The following CRACR2A variants were observed in gnomAD, a reference collection of about 807,000 sequenced individuals.
The protein encoded by CRACR2A is EF-hand calcium-binding domain-containing protein 4B.
A neutral mutation model predicts 90.5 loss-of-function variants in CRACR2A; 79 were observed. The observed-to-expected ratio is 0.87, with a 90% CI of 0.73 to 1.05. The LOEUF (loss-of-function observed/expected upper bound fraction) is 1.05, where lower values mean the gene tolerates loss of function less well. Ranked by LOEUF, CRACR2A falls within the 50% of genes least tolerant of loss-of-function variation. CRACR2A has a pLI of 0.00. For synonymous variants in CRACR2A, 338 were observed against 356.7 expected (o/e 0.95, Z 0.59); for missense variants, 823 against 897.2 (o/e 0.92, Z 1.06).
chr12:3,638,855 G>A (rs568391923), intron 13 of CRACR2A, among the ~76,000 whole-genome samples: 5 of 152,314 alleles, frequency 3.3e-5, no homozygotes, highest in African/African-American at 4.8e-5. Context: ...GTGAAGAAAC[G>A]TGTCTCAGAC....
chr12:3,709,134 G>A (rs1258108098), intron 3 of CRACR2A, among the ~76,000 whole-genome samples: 1 of 152,226 alleles, frequency 6.6e-6, no homozygotes, highest in African/African-American at 2.4e-5. Flanking sequence ...GAGGAGGTGA[G>A]AAGAGCCACT....
At chr12:3,645,970 TAG>T in intron 11 of CRACR2A, among the ~76,000 whole-genome samples, 1 of 152,250 alleles carries the variant, frequency 6.6e-6, no homozygotes, top group South Asian at 2.1e-4. Context: ...GCTCTAATTC[TAG>T]AGTGTGAGTT....
At chr12:3,632,708 C>T (rs1402455071) in intron 15 of CRACR2A, among the ~76,000 whole-genome samples, 2 of 152,158 alleles carry the variant, frequency 1.3e-5, no homozygotes, top group East Asian at 1.9e-4. Context: ...CCTGATCTGT[C>T]GACTGTGCTG....
intron 4 of CRACR2A, among the ~76,000 whole-genome samples, chr12:3,686,696 C>T (rs1476820848): frequency 4.6e-5 from 7 of 152,178 alleles, no homozygotes; most frequent in Non-Finnish European, 8.8e-5. Flanking sequence ...GGGTATTGCA[C>T]CAGACCTAAC....
chr12:3,696,983 C>T lies in CRACR2A; in HGVS notation c.17G>A (p.Gly6Glu). ...TCTCTGGGGTCTGGAGACTACCCTCCCGTCAGGGGCAGCCATCGCGATTAG... is the reference window on the plus strand; with the variant it reads ...TCTCTGGGGTCTGGAGACTACCCTCTCGTCAGGGGCAGCCATCGCGATTAG... MAAPD[G>E]RVVSRPQRLG... The change falls in exon 4 of 20, where the codon GGG (glycine) becomes GAG (glutamate). Residue 6 changes from glycine to glutamate, a missense_variant. Physicochemically the swap from Gly to Glu is moderately conservative, Grantham distance 98. Transcript: ENST00000440314. 6.2e-7 allele frequency: 1 copy of T among 1,612,162 alleles called. No individual in the cohort carries two copies. The highest frequency in any genetic ancestry group is 8.5e-7 in the Non-Finnish European group (1 of 1,178,898).
chr12:3,620,848 G>A (rs889410746), intron 17 of CRACR2A, among the ~76,000 whole-genome samples: 7 of 152,190 alleles, frequency 4.6e-5, no homozygotes, highest in Non-Finnish European at 8.8e-5. Flanking sequence ...TTAAATTCTG[G>A]ACACTGCAGT....
chr12:3,737,183 G>C (rs1946460900), intron 1 of CRACR2A, among the ~76,000 whole-genome samples: 1 of 152,212 alleles, frequency 6.6e-6, no homozygotes, highest in Non-Finnish European at 1.5e-5. Flanking sequence ...TTTCTGTTGG[G>C]TCCACGGGGT....
At chr12:3,637,277 T>A (rs1049059177) in intron 14 of CRACR2A, among the ~76,000 whole-genome samples, 2 of 152,194 alleles carry the variant, frequency 1.3e-5, no homozygotes, top group African/African-American at 4.8e-5. Flanking sequence ...CTAAGAGCAG[T>A]TACAAAGCCT....
intron 4 of CRACR2A, among the ~76,000 whole-genome samples, chr12:3,691,193 T>G (rs897043972): frequency 3.9e-5 from 6 of 152,234 alleles, no homozygotes; most frequent in African/African-American, 1.4e-4. Context: ...CTTGTCATGT[T>G]GTAAGCTGGT....
intron 2 of CRACR2A, among the ~76,000 whole-genome samples, chr12:3,719,458 C>T (rs912631227): frequency 1.3e-5 from 2 of 152,122 alleles, no homozygotes; most frequent in African/African-American, 4.8e-5. Flanking sequence ...AAAGGCTGAG[C>T]CCTGCATAGT....
At chr12:3,636,296 T>C (rs1032170119) in intron 14 of CRACR2A, among the ~76,000 whole-genome samples, 1 of 152,262 alleles carries the variant, frequency 6.6e-6, no homozygotes, top group African/African-American at 2.4e-5. Flanking sequence ...GCAGTAGCCT[T>C]CAAACGAGCG....
intron 1 of CRACR2A, among the ~76,000 whole-genome samples, chr12:3,741,023 C>T (rs1946516968): frequency 6.6e-6 from 1 of 152,172 alleles, no homozygotes; most frequent in African/African-American, 2.4e-5. Context: ...TCCATGGTTG[C>T]CTCCACCCTC....
intron 4 of CRACR2A, among the ~76,000 whole-genome samples, chr12:3,692,813 G>A (rs973926593): frequency 6.6e-6 from 1 of 152,184 alleles, no homozygotes; most frequent in African/African-American, 2.4e-5. Context: ...GCTGGTGGTG[G>A]TGGTAGCATG....
At chr12:3,651,656 T>C (rs555936950) in intron 10 of CRACR2A, among the ~76,000 whole-genome samples, 1 of 152,322 alleles carries the variant, frequency 6.6e-6, no homozygotes, top group East Asian at 1.9e-4. Flanking sequence ...TGCTGATCAG[T>C]GACTAAGCCT....
chr12:3,631,758 C>T (rs1199780753), intron 15 of CRACR2A, among the ~76,000 whole-genome samples: 1 of 152,158 alleles, frequency 6.6e-6, no homozygotes, highest in East Asian at 1.9e-4. Flanking sequence ...GGATGGGACA[C>T]CTGAAGCACC....
intron 2 of CRACR2A, chr12:3,728,363 GAATA>G (rs1274484277): frequency 6.6e-6 from 1 of 152,236 alleles, no homozygotes; most frequent in Non-Finnish European, 1.5e-5. Flanking sequence ...CTCAGAGAAA[GAATA>G]AATAAAAAGC....
intron 7 of CRACR2A, among the ~76,000 whole-genome samples, chr12:3,669,165 G>C (rs971158074): frequency 6.6e-6 from 1 of 152,120 alleles, no homozygotes; most frequent in Non-Finnish European, 1.5e-5. Flanking sequence ...AAATACAGAC[G>C]TTAAGCCCCC....
At chr12:3,706,839 A>G (rs1945931740) in intron 3 of CRACR2A, among the ~76,000 whole-genome samples, 1 of 152,152 alleles carries the variant, frequency 6.6e-6, no homozygotes, top group African/African-American at 2.4e-5. Context: ...CCTGACCTCA[A>G]GTGGTCCACC....
intron 4 of CRACR2A, among the ~76,000 whole-genome samples, chr12:3,681,526 C>A (rs929971088): frequency 1.3e-5 from 2 of 152,204 alleles, no homozygotes; most frequent in Non-Finnish European, 2.9e-5. Context: ...ATAGATGAAG[C>A]AAGTGTACCC....
Sources: allele counts gnomAD v4.1 joint callset (sites outside exome capture counted in the v4.1 genomes callset), GRCh38; gene constraint gnomAD v4.1.1; transcripts MANE v1.5; gene names NCBI Gene and HGNC (gene_info 2026-07-23, HGNC 2026-07-21).